Variants in DDAH1 observed in about 807,000 individuals in gnomAD.
DDAH1 encodes the protein dimethylarginine dimethylaminohydrolase 1.
A neutral mutation model predicts 28.8 loss-of-function variants in DDAH1; 19 were observed. The ratio of observed to expected loss-of-function variants is 0.66; its 90% confidence interval spans 0.46 to 0.97. The LOEUF (loss-of-function observed/expected upper bound fraction) is 0.97, where lower values mean the gene tolerates loss of function less well. Ranked by LOEUF, DDAH1 falls within the 50% of genes least tolerant of loss-of-function variation. DDAH1 has a pLI of 0.00. For synonymous variants in DDAH1, 153 were observed against 154.4 expected (o/e 0.99, Z 0.07); for missense variants, 326 against 375.9 (o/e 0.87, Z 1.10).
At chr1:85,391,209 C>T (rs1170443446) in intron 1 of DDAH1, among the ~76,000 whole-genome samples, 1 of 152,174 alleles carries the variant, frequency 6.6e-6, no homozygotes, top group Non-Finnish European at 1.5e-5. Flanking sequence ...ACCCCAAATT[C>T]AGGAAGTAAT....
intron 1 of DDAH1, among the ~76,000 whole-genome samples, chr1:85,566,197 G>A (rs1271399721): frequency 6.6e-6 from 1 of 151,884 alleles, no homozygotes; most frequent in Non-Finnish European, 1.5e-5. Flanking sequence ...GGAAGAAAAG[G>A]TAGACAGTAT....
intron 5 of DDAH1, among the ~76,000 whole-genome samples, chr1:85,322,468 G>A (rs1661391075): frequency 6.6e-6 from 1 of 152,204 alleles, no homozygotes; most frequent in Non-Finnish European, 1.5e-5. Context: ...AGAATCACTT[G>A]AAAGTGTACT....
At chr1:85,439,444 G>A (rs1471029778) in intron 1 of DDAH1, among the ~76,000 whole-genome samples, 2 of 152,184 alleles carry the variant, frequency 1.3e-5, no homozygotes, top group Non-Finnish European at 2.9e-5. Context: ...TCTCTGCCAG[G>A]GGGCTACAAA....
chr1:85,475,812 C>T (rs1655779266), intron 2 of DDAH1, among the ~76,000 whole-genome samples: 1 of 152,068 alleles, frequency 6.6e-6, no homozygotes, highest in Non-Finnish European at 1.5e-5. Flanking sequence ...TGAACTCTTA[C>T]CTCTGAGGTG....
chr1:85,533,406 C>G (rs1362108388), intron 1 of DDAH1, among the ~76,000 whole-genome samples: 3 of 152,062 alleles, frequency 2.0e-5, no homozygotes, highest in Admixed American at 6.5e-5. Flanking sequence ...ATCCTCCCAC[C>G]CTGGCCTCCT....
chr1:85,329,710 G>T (rs1647647412), intron 4 of DDAH1, among the ~76,000 whole-genome samples: 1 of 152,190 alleles, frequency 6.6e-6, no homozygotes, highest in East Asian at 1.9e-4. Flanking sequence ...CTTAGGAGAA[G>T]CTTTTCAATT....
chr1:85,393,771 T>C (rs369260234), intron 1 of DDAH1, among the ~76,000 whole-genome samples: 1 of 152,202 alleles, frequency 6.6e-6, no homozygotes, highest in East Asian at 1.9e-4. Context: ...CTTTGAGATG[T>C]AAATTTTCTA....
chr1:85,448,532 A>G (rs1654534906), intron 1 of DDAH1, among the ~76,000 whole-genome samples: 2 of 152,140 alleles, frequency 1.3e-5, no homozygotes, highest in Admixed American at 1.3e-4. Flanking sequence ...CAGATGAAAA[A>G]CATCCACATA....
Position 85,367,157 on chromosome 1 carries a change from T to C in DDAH1, c.304-8310A>G, listed in dbSNP as rs74098807. On this transcript the variant is annotated intron_variant, in intron 1 of 5. Coordinates refer to ENST00000284031, the MANE Select transcript of DDAH1 (RefSeq NM_012137.4). ...AAACCAATCTGAGTTGAGTTTTCTGTTAGCTGCACCTAAAAATAACTCATT... is the reference window on the plus strand; with the variant it reads ...AAACCAATCTGAGTTGAGTTTTCTGCTAGCTGCACCTAAAAATAACTCATT... 6.1e-3 allele frequency among the ~76,000 whole-genome samples: 924 copies of C among 152,266 alleles called. 9 individuals are homozygous for C. The highest frequency in any genetic ancestry group is 0.021 in the African/African-American group (891 of 41,556).
chr1:85,434,705 T>C (rs1425752408), intron 1 of DDAH1, among the ~76,000 whole-genome samples: 3 of 152,192 alleles, frequency 2.0e-5, no homozygotes, highest in Admixed American at 6.6e-5. Context: ...TATTCTGTTT[T>C]AATGTTACAA....
At chr1:85,481,098 G>GTTT (rs71075839) in intron 2 of DDAH1, among the ~76,000 whole-genome samples, 20,543 of 113,030 alleles carry the variant, frequency 0.18, 2,246 homozygotes, top group African/African-American at 0.19. Flanking sequence ...TGGGTTTTTT[G>GTTT]TTTTTTTTTT....
intron 1 of DDAH1, among the ~76,000 whole-genome samples, chr1:85,452,420 T>C (rs1485145140): frequency 2.0e-5 from 3 of 152,172 alleles, no homozygotes; most frequent in Admixed American, 6.5e-5. Context: ...AGGGAACACG[T>C]AGATGCGTGC....
At chr1:85,536,948 CATATATATATATAT>C (rs202209648) in intron 1 of DDAH1, among the ~76,000 whole-genome samples, 1,141 of 91,832 alleles carry the variant, frequency 0.012, 14 homozygotes, top group East Asian at 0.041. Context: ...GAAAATGTGG[CATATATATATATAT>C]ATATATATAT....
At chr1:85,502,203 A>T (rs191475539) in intron 1 of DDAH1, among the ~76,000 whole-genome samples, 1 of 152,294 alleles carries the variant, frequency 6.6e-6, no homozygotes, top group East Asian at 1.9e-4. Context: ...GACAATGTCT[A>T]ATTTATCATT....
At chr1:85,404,475 C>T in intron 1 of DDAH1, 1 of 1,524,918 alleles carries the variant, frequency 6.6e-7, no homozygotes, top group African/African-American at 1.4e-5. Context: ...TAACATCCAC[C>T]TGTGTTACTG....
intron 1 of DDAH1, among the ~76,000 whole-genome samples, chr1:85,459,007 C>T (rs79946968): frequency 0.021 from 3,172 of 152,228 alleles, 104 homozygotes; most frequent in African/African-American, 0.064. Context: ...ATAACTAGCA[C>T]TCATTTTTAA....
chr1:85,513,819 G>C (rs1657343995), intron 1 of DDAH1, among the ~76,000 whole-genome samples: 1 of 152,196 alleles, frequency 6.6e-6, no homozygotes, highest in Admixed American at 6.5e-5. Context: ...TCTCATGCCA[G>C]TTAGAATGGC....
intron 1 of DDAH1, among the ~76,000 whole-genome samples, chr1:85,414,531 A>G (rs373861067): frequency 3.9e-5 from 6 of 152,330 alleles, no homozygotes. Flanking sequence ...CACAATCAAC[A>G]AAGGATGTTT....
At position 85,319,994 on chromosome 1, in the gene DDAH1, T is replaced by G. The variant is rs543046031; in HGVS notation, c.*1458A>C. ...AGATTTGAAGTGATACTTCTTAATC[T>G]CTTTGATTCTTAATCTTAAACAACA... is the stretch of plus-strand genomic sequence containing the variant. On this transcript the variant is annotated 3_prime_UTR_variant, in exon 6 of 6. Coordinates refer to ENST00000284031, the MANE Select transcript of DDAH1 (RefSeq NM_012137.4). 6.6e-6 allele frequency: 1 copy of G among 152,334 alleles called. No homozygotes were observed. The highest frequency in any genetic ancestry group is 1.5e-5 in the Non-Finnish European group (1 of 68,028). The allele number at this position is 152,334 out of a possible 1,614,324, so 9.4% of individuals were successfully genotyped here.
Sources: allele counts gnomAD v4.1 joint callset (sites outside exome capture counted in the v4.1 genomes callset), GRCh38; gene constraint gnomAD v4.1.1; transcripts MANE v1.5; gene names NCBI Gene and HGNC (gene_info 2026-07-23, HGNC 2026-07-21).